Variants in NFAT5 observed in about 807,000 individuals in gnomAD.
NFAT5 encodes the protein nuclear factor of activated T cells 5, also known as nuclear factor of activated T-cells 5.
In NFAT5, 31 loss-of-function variants were observed where a neutral mutation model predicts 166.5. That is an observed-to-expected ratio of 0.19 (90% CI 0.14 to 0.25). The LOEUF is 0.25. Ranked by LOEUF, NFAT5 falls within the 10% of genes least tolerant of loss-of-function variation. NFAT5 has a pLI of 1.00. For missense variants in NFAT5, 1,449 were observed against 1,821.8 expected, an observed-to-expected ratio of 0.80 and a Z score of 3.72; for synonymous variants, 612 against 639.7, an observed-to-expected ratio of 0.96 and a Z score of 0.65.
chr16:69,653,729 GGC>G (rs1283608389), intron 5 of NFAT5, among the ~76,000 whole-genome samples: 3 of 151,984 alleles, frequency 2.0e-5, no homozygotes. Flanking sequence ...TGTGCCACCA[GGC>G]CCAGCTAATT....
intron 5 of NFAT5, among the ~76,000 whole-genome samples, chr16:69,654,642 T>G (rs2035807859): frequency 1.3e-5 from 2 of 152,244 alleles, no homozygotes; most frequent in Admixed American, 1.3e-4. Flanking sequence ...TGCTTAACTA[T>G]GATAGGGAAT....
Position 69,691,057 on chromosome 16 carries a change from C to G in NFAT5, c.1892C>G (p.Thr631Arg). ...KSEDVTPMEV[T>R]AEKRSSTIFK... ...GAAGATGTTACTCCAATGGAAGTAA[C>G]AGCAGAAAAAAGATCTTCCACTATT... Residue 631 changes from threonine (T) to arginine (R), a missense_variant, in exon 12 of 15, where the codon ACA (threonine) becomes AGA (arginine). Around this residue, in one of 7 missense-constraint regions of NFAT5, gnomAD observed 245 missense variants for 366.6 expected, o/e 0.67. Transcript: ENST00000349945. 6.2e-7 allele frequency: 1 copy of G among 1,601,350 alleles called. No individual in the cohort carries two copies. The highest frequency in any genetic ancestry group is 8.5e-7 in the Non-Finnish European group (1 of 1,174,996).
rs193137459 is a variant in NFAT5 at position 69,649,121 on chromosome 16, A to G, written c.812+1535A>G. On this transcript the variant is annotated intron_variant, in intron 4 of 14. Coordinates refer to ENST00000349945, the MANE Select transcript of NFAT5 (RefSeq NM_138713.4). The stretch of plus-strand genomic sequence containing the variant: ...AAGAATTTCAGAACATAATATTTGT[A>G]GAACTATTACTTATAAAATAAGGCT... The G allele has an allele frequency of 2.8e-5, 24 of 866,292 alleles. No individual in the cohort carries two copies. The East Asian group carries it at 2.1e-3, about 74-fold the overall frequency. 53.7% of individuals were successfully genotyped at this position (866,292 alleles called of 1,614,324 possible).
intron 10 of NFAT5, among the ~76,000 whole-genome samples, chr16:69,679,766 TTTA>T (rs1244974961): frequency 6.6e-6 from 1 of 152,148 alleles, no homozygotes; most frequent in African/African-American, 2.4e-5. Flanking sequence ...GACCAAATAT[TTTA>T]TTGTTTCCTT....
At chr16:69,585,115 A>G (rs2142943767) in intron 2 of NFAT5, among the ~76,000 whole-genome samples, 1 of 152,092 alleles carries the variant, frequency 6.6e-6, no homozygotes, top group South Asian at 2.1e-4. Context: ...CTCCTGCCTC[A>G]GCCTCCCTAG....
intron 3 of NFAT5, among the ~76,000 whole-genome samples, chr16:69,634,322 A>G (rs1001228358): frequency 6.6e-6 from 1 of 151,592 alleles, no homozygotes; most frequent in African/African-American, 2.4e-5. Context: ...AAATGGTAGC[A>G]TTTTTTGAAT....
At chr16:69,629,552 C>T (rs892715224) in intron 3 of NFAT5, among the ~76,000 whole-genome samples, 1 of 152,022 alleles carries the variant, frequency 6.6e-6, no homozygotes, top group African/African-American at 2.4e-5. Context: ...CACAATTTCT[C>T]CCCTCTTCAT....
At chr16:69,662,408 AGTG>A (rs1253785235) in intron 7 of NFAT5, among the ~76,000 whole-genome samples, 1 of 151,648 alleles carries the variant, frequency 6.6e-6, no homozygotes, top group Non-Finnish European at 1.5e-5. Context: ...TACATTATGA[AGTG>A]GTAAGATTTG....
chr16:69,691,871 G>T lies in NFAT5; in HGVS notation c.2046G>T (p.Gln682His), dbSNP rs1050946292. ...HLPSENEKQQQIQPKAYNPET... is the reference protein window; with the variant it reads ...HLPSENEKQQHIQPKAYNPET... ...CTTCTGAAAATGAAAAACAGCAGCA[G>T]ATTCAGCCCAAGGCATACAACCCAG... The change falls in exon 13 of 15, where the codon CAG becomes CAT. Residue 682 changes from glutamine to histidine, a missense_variant. This residue lies in a region of NFAT5 where 245 missense variants were observed against 366.6 expected (regional missense o/e 0.67). Coordinates refer to ENST00000349945, the MANE Select transcript of NFAT5 (RefSeq NM_138713.4). 1 of 1,614,128 alleles carries T rather than the reference G, an allele frequency of 6.2e-7. No individual in the cohort carries two copies. The highest frequency in any genetic ancestry group is 1.3e-5 in the African/African-American group (1 of 75,028).
At chr16:69,617,339 T>G (rs2034000832) in intron 2 of NFAT5, among the ~76,000 whole-genome samples, 1 of 152,192 alleles carries the variant, frequency 6.6e-6, no homozygotes, top group African/African-American at 2.4e-5. Flanking sequence ...TATGGATTCT[T>G]GATAACTAGA....
intron 2 of NFAT5, among the ~76,000 whole-genome samples, chr16:69,621,119 G>T (rs1048740090): frequency 2.0e-5 from 3 of 152,040 alleles, no homozygotes; most frequent in Admixed American, 2.0e-4. Flanking sequence ...TTAGTTTGCA[G>T]CTTGGCCTTC....
At chr16:69,609,617 A>G (rs2033604597) in intron 2 of NFAT5, among the ~76,000 whole-genome samples, 1 of 152,190 alleles carries the variant, frequency 6.6e-6, no homozygotes, top group Non-Finnish European at 1.5e-5. Context: ...CTCTGTAAAC[A>G]TCAGCTTATA....
At chr16:69,592,632 G>A (rs1165306748) in intron 2 of NFAT5, among the ~76,000 whole-genome samples, 7 of 152,018 alleles carry the variant, frequency 4.6e-5, no homozygotes, top group Admixed American at 4.6e-4. Context: ...AAATTTTTAA[G>A]GGGCATTAAT....
chr16:69,588,244 C>CT (rs1346661543), intron 2 of NFAT5, among the ~76,000 whole-genome samples: 1 of 152,128 alleles, frequency 6.6e-6, no homozygotes, highest in Non-Finnish European at 1.5e-5. Context: ...GCCTCTGCAC[C>CT]TGGCCGCATG....
intron 4 of NFAT5, among the ~76,000 whole-genome samples, chr16:69,651,088 C>G (rs1004677212): frequency 6.6e-6 from 1 of 152,222 alleles, no homozygotes; most frequent in African/African-American, 2.4e-5. Context: ...CAAATTTACA[C>G]GAATGGCATT....
chr16:69,631,012 CTTGTT>C (rs2034690171), intron 3 of NFAT5, among the ~76,000 whole-genome samples: 1 of 152,160 alleles, frequency 6.6e-6, no homozygotes, highest in South Asian at 2.1e-4. Context: ...CTATTCTACA[CTTGTT>C]TTGTTTGGCT....
At chr16:69,596,257 G>T (rs748543288) in intron 2 of NFAT5, among the ~76,000 whole-genome samples, 2 of 152,098 alleles carry the variant, frequency 1.3e-5, no homozygotes, top group Non-Finnish European at 2.9e-5. Flanking sequence ...CACTAGTCTT[G>T]TACTTTGCTC....
At chr16:69,653,133 A>T in intron 4 of NFAT5, 103 bp from the exon 5 acceptor site, 2 of 689,840 alleles carry the variant, frequency 2.9e-6, no homozygotes, top group Non-Finnish European at 4.6e-6. Flanking sequence ...AGTTGTTTTT[A>T]CTATTATTGC....
chr16:69,605,902 A>G (rs2033382203), intron 2 of NFAT5, among the ~76,000 whole-genome samples: 1 of 151,872 alleles, frequency 6.6e-6, no homozygotes, highest in Admixed American at 6.6e-5. Flanking sequence ...TTTAGTAGAG[A>G]CGGGGTTTCA....
Sources: allele counts gnomAD v4.1 joint callset (sites outside exome capture counted in the v4.1 genomes callset), GRCh38; gene constraint gnomAD v4.1.1; regional missense constraint gnomAD v4.1.1; transcripts MANE v1.5; gene names NCBI Gene and HGNC (gene_info 2026-07-23, HGNC 2026-07-21).